SH2D4A: variants seen among roughly 807,000 people sequenced by gnomAD.
SH2D4A encodes SH2 domain containing 4A.
A neutral mutation model predicts 64.7 loss-of-function variants in SH2D4A; 70 were observed. The ratio of observed to expected loss-of-function variants is 1.08; its 90% CI spans 0.89 to 1.32. The LOEUF is 1.32. Among genes scored for constraint, SH2D4A ranks in the 40% most tolerant of loss-of-function variants. SH2D4A has a pLI of 0.00. For missense variants in SH2D4A, 706 were observed against 540.1 expected (o/e 1.31, Z -3.04); for synonymous variants, 268 against 200.7 (o/e 1.34, Z -2.83).
chr8:19,351,268 A>C (rs1434082554), intron 4 of SH2D4A, among the ~76,000 whole-genome samples: 2 of 152,182 alleles, frequency 1.3e-5, no homozygotes, highest in Non-Finnish European at 2.9e-5. Context: ...TAGACCACTG[A>C]TTCTCAGAGT....
intron 4 of SH2D4A, among the ~76,000 whole-genome samples, 159 bp downstream of exon 4, chr8:19,335,016 G>C (rs960951242): frequency 1.3e-5 from 2 of 152,064 alleles, no homozygotes; most frequent in Non-Finnish European, 1.5e-5. Flanking sequence ...AGGCACGGTG[G>C]CTCATGCCTG....
At chr8:19,393,611 A>G in intron 9 of SH2D4A, 70 bp downstream of exon 9, 2 of 1,484,922 alleles carry the variant, frequency 1.3e-6, no homozygotes, top group Non-Finnish European at 1.9e-6. Context: ...AATGAATGAC[A>G]ATTACAAAGA....
Position 19,377,785 on chromosome 8 carries a change from G to A in SH2D4A, c.1048+4125G>A, listed in dbSNP as rs535655005. Among the ~76,000 whole-genome samples, 39 of 152,150 alleles carry A rather than the reference G, an allele frequency of 2.6e-4. No homozygotes were observed. In the South Asian group the frequency reaches 7.9e-3, roughly 31 times the overall value. On this transcript the variant is annotated intron_variant, in intron 8 of 9. Transcript: ENST00000265807. ...AGATGATGTATACACCCTTGAACAT[G>A]TCTCGCTGTAAACACATATGATCAT...
At chr8:19,384,977 T>C (rs2153651597) in intron 8 of SH2D4A, among the ~76,000 whole-genome samples, 1 of 152,312 alleles carries the variant, frequency 6.6e-6, no homozygotes, top group South Asian at 2.1e-4. Context: ...TAGTTGATCA[T>C]TATTCCTCTG....
At chr8:19,328,231 C>A (rs527514096) in intron 2 of SH2D4A, among the ~76,000 whole-genome samples, 1 of 152,264 alleles carries the variant, frequency 6.6e-6, no homozygotes, top group Admixed American at 6.5e-5. Context: ...AGAGTCATTC[C>A]CAAGTCTACA....
At chr8:19,374,181 C>A (rs890102427) in intron 8 of SH2D4A, among the ~76,000 whole-genome samples, 2 of 152,190 alleles carry the variant, frequency 1.3e-5, no homozygotes, top group Admixed American at 1.3e-4. Flanking sequence ...TGATTCCTTG[C>A]TTCCAGTATG....
At position 19,334,738 on chromosome 8, in the gene SH2D4A, C is replaced by G; in HGVS notation, c.394C>G (p.His132Asp). 1 of 1,613,930 alleles carries G rather than the reference C, an allele frequency of 6.2e-7. No individual in the cohort carries two copies. The highest frequency in any genetic ancestry group is 1.7e-4 in the Middle Eastern group (1 of 6,056). ...TNSLKTKSQY[H>D]DLQAPDNQQT... ...TAGCTTGAAAACAAAATCACAGTAC[C>G]ATGATCTGCAGGCTCCGGATAACCA... Residue 132 changes from histidine (H) to aspartate (D), a missense_variant, in exon 4 of 10, where the codon CAT becomes GAT. His to Asp is a moderately conservative substitution (Grantham distance 81). Transcript: ENST00000265807.
intron 4 of SH2D4A, among the ~76,000 whole-genome samples, chr8:19,342,989 G>A (rs886579787): frequency 6.6e-5 from 10 of 152,164 alleles, no homozygotes; most frequent in Non-Finnish European, 1.3e-4. Flanking sequence ...CGCTGCTTCC[G>A]TCTCTGTGTG....
intron 7 of SH2D4A, among the ~76,000 whole-genome samples, chr8:19,364,929 G>A (rs2052966517): frequency 6.6e-6 from 1 of 152,162 alleles, no homozygotes; most frequent in Admixed American, 6.5e-5. Context: ...GTAGAAAAGT[G>A]CAATGATGCT....
chr8:19,344,706 C>T (rs985807789), intron 4 of SH2D4A, among the ~76,000 whole-genome samples: 2 of 152,104 alleles, frequency 1.3e-5, no homozygotes, highest in African/African-American at 2.4e-5. Flanking sequence ...TGTAGGCTGT[C>T]GGGTCAGTAG....
At chr8:19,388,769 T>G (rs2153652199) in intron 8 of SH2D4A, among the ~76,000 whole-genome samples, 2 of 152,302 alleles carry the variant, frequency 1.3e-5, no homozygotes, top group East Asian at 3.9e-4. Context: ...AGAAGGAAGT[T>G]TCAGACTTGA....
At chr8:19,393,644 G>A in intron 9 of SH2D4A, 103 bp downstream of exon 9, 1 of 1,114,460 alleles carries the variant, frequency 9.0e-7, no homozygotes. Flanking sequence ...CAAGTACTGG[G>A]GAGGGGACAG....
intron 4 of SH2D4A, among the ~76,000 whole-genome samples, chr8:19,345,540 G>C (rs1414569831): frequency 1.3e-5 from 2 of 152,198 alleles, no homozygotes; most frequent in East Asian, 3.8e-4. Flanking sequence ...TTTTATTTCT[G>C]TAAATAAGGC....
Position 19,395,362 on chromosome 8 carries a change from T to C in SH2D4A, c.*720T>C, listed in dbSNP as rs2053571612. On this transcript the variant is annotated 3_prime_UTR_variant, in exon 10 of 10. Transcript: ENST00000265807. ...CATCTGTACATGTATTTTTTTATTT[T>C]TTATCAGAAGTGCTTAGACAAGAAC... The C allele has an allele frequency of 6.6e-6, 1 of 152,220 alleles. No homozygotes were observed. The allele number at this position is 152,220 out of a possible 1,614,324, so 9.4% of individuals were successfully genotyped here.
At chr8:19,341,514 G>A (rs1341420475) in intron 4 of SH2D4A, among the ~76,000 whole-genome samples, 1 of 152,110 alleles carries the variant, frequency 6.6e-6, no homozygotes, top group Non-Finnish European at 1.5e-5. Context: ...AAGTAAAGCT[G>A]TCTTGTTAGA....
chr8:19,326,371 G>C (rs1326215349), intron 2 of SH2D4A, among the ~76,000 whole-genome samples: 3 of 152,200 alleles, frequency 2.0e-5, no homozygotes, highest in African/African-American at 7.2e-5. Context: ...AGGCCAGAGG[G>C]AAGGAAGATC....
rs2052225608 is a variant in SH2D4A at position 19,323,523 on chromosome 8, G to T, written c.181+3795G>T. Among the ~76,000 whole-genome samples, 5 of 152,050 alleles carry T rather than the reference G, an allele frequency of 3.3e-5. 1 individual carries two copies. In the South Asian group the frequency reaches 1.0e-3, roughly 32 times the overall value. ...AGCCTCCCAAGTAGTTGGAGTTACAGGTGTGCGCCAGCACACCCAGCTAAT... is the reference window on the plus strand; with the variant it reads ...AGCCTCCCAAGTAGTTGGAGTTACATGTGTGCGCCAGCACACCCAGCTAAT... On this transcript the variant is annotated intron_variant, in intron 2 of 9. Coordinates refer to ENST00000265807, the MANE Select transcript of SH2D4A (RefSeq NM_022071.4).
rs777506607 is a variant in SH2D4A at position 19,334,773 on chromosome 8, A to G, written c.429A>G (p.Lys143=). The G allele has an allele frequency of 6.2e-7, 1 of 1,614,176 alleles. No homozygotes were observed. Among genetic ancestry groups the G allele is most frequent in the South Asian group, 1.1e-5 (1 of 91,084 alleles). ...DLQAPDNQQT[K]DIWKKVAEKE... is the part of the protein sequence containing the mutation. ...AGGCTCCGGATAACCAGCAGACTAA[A>G]GACATCTGGAAGAAAGTGGCAGAAA... Residue 143 remains lysine, a synonymous_variant, in exon 4 of 10, where the codon AAA becomes AAG. Transcript: ENST00000265807.
chr8:19,381,853 G>C (rs1377808523), intron 8 of SH2D4A, among the ~76,000 whole-genome samples: 1 of 151,988 alleles, frequency 6.6e-6, no homozygotes, highest in Admixed American at 6.6e-5. Context: ...TCATGATAGG[G>C]TATTGCATGT....
Sources: gnomAD v4.1 joint callset for allele counts (sites outside exome capture counted in the v4.1 genomes callset) on GRCh38, gnomAD v4.1.1 for gene constraint, MANE v1.5 for transcripts, NCBI Gene and HGNC (gene_info 2026-07-23, HGNC 2026-07-21) for gene names.